GATM: variants seen among roughly 807,000 people sequenced by gnomAD.
The protein encoded by GATM is glycine amidinotransferase, mitochondrial.
A neutral mutation model predicts 54.2 loss-of-function variants in GATM; 23 were observed. That is an observed-to-expected ratio of 0.42 (90% CI 0.31 to 0.60). GATM has a LOEUF of 0.60. Among genes scored for constraint, GATM ranks in the 20% least tolerant of loss-of-function variants. GATM has a pLI of 0.14. For missense variants in GATM, 401 were observed against 544.9 expected, an observed-to-expected ratio of 0.74 and a Z score of 2.63; for synonymous variants, 168 against 183.1, an observed-to-expected ratio of 0.92 and a Z score of 0.67.
At chr15:45,364,745 T>C in intron 7 of GATM, 52 bp downstream of exon 7, 2 of 1,510,420 alleles carry the variant, frequency 1.3e-6, no homozygotes, top group South Asian at 1.1e-5. Context: ...AGAAAGATCC[T>C]TGGTCACTAA....
At position 45,362,125 on chromosome 15, in the gene GATM, T is replaced by C. The variant is rs760259072; in HGVS notation, c.1256A>G (p.Gln419Arg). The change falls in exon 9 of 9, where the codon CAG becomes CGG. Residue 419 changes from glutamine (Q) to arginine (R), a missense_variant. Coordinates refer to ENST00000396659, the MANE Select transcript of GATM (RefSeq NM_001482.3). ...TCDVRRRGTLQSYLD is the reference protein window; with the variant it reads ...TCDVRRRGTLRSYLD ...CAGGCCTGTTCAGTCCAAGTAGGAC[T>C]GTAAGGTGCCTCGGCGCCGGACATC... is the stretch of plus-strand genomic sequence containing the variant. 8.7e-6 allele frequency: 14 copies of C among 1,611,590 alleles called. No homozygotes were observed. Among genetic ancestry groups the C allele is most frequent in the African/African-American group, 2.7e-5 (2 of 74,822 alleles).
chr15:45,378,081 G>C, intron 1 of GATM: 1 of 346,136 alleles, frequency 2.9e-6, no homozygotes, highest in Non-Finnish European at 5.3e-6. Context: ...CCGGTAGAGG[G>C]GGGCGGCGCC....
chr15:45,400,127 CAGG>C (rs757096234), intron 1 of GATM, among the ~76,000 whole-genome samples: 107 of 152,206 alleles, frequency 7.0e-4, no homozygotes, highest in Non-Finnish European at 1.2e-3. Context: ...GAGCCTGAGG[CAGG>C]AGAATTGCTT....
At chr15:45,362,473 C>A (rs947967032) in intron 8 of GATM, among the ~76,000 whole-genome samples, 1 of 152,194 alleles carries the variant, frequency 6.6e-6, no homozygotes, top group African/African-American at 2.4e-5. Flanking sequence ...ATAGACTGAG[C>A]AGATGTACCT....
At chr15:45,387,253 T>C (rs916446538) in intron 3 of GATM, among the ~76,000 whole-genome samples, 5 of 152,246 alleles carry the variant, frequency 3.3e-5, no homozygotes, top group Non-Finnish European at 7.3e-5. Flanking sequence ...CATCTGCAAC[T>C]TGAGATACTT....
chr15:45,371,623 A>G (rs529681154), intron 2 of GATM, among the ~76,000 whole-genome samples: 8 of 152,334 alleles, frequency 5.3e-5, no homozygotes, highest in Non-Finnish European at 1.0e-4. Flanking sequence ...ACATGTAAGG[A>G]AAGAGGCTCT....
chr15:45,393,776 G>A (rs1323692824), intron 3 of GATM, among the ~76,000 whole-genome samples: 1 of 152,136 alleles, frequency 6.6e-6, no homozygotes, highest in Non-Finnish European at 1.5e-5. Context: ...CTGAAATGCT[G>A]TAATGAGCAT....
intron 3 of GATM, among the ~76,000 whole-genome samples, chr15:45,392,323 C>T (rs573487744): frequency 1.2e-4 from 19 of 152,290 alleles, no homozygotes; most frequent in South Asian, 1.0e-3. Flanking sequence ...ATTCTCTCTA[C>T]GTGACTACAA....
At chr15:45,375,293 T>A (rs554036523) in intron 2 of GATM, among the ~76,000 whole-genome samples, 2 of 152,254 alleles carry the variant, frequency 1.3e-5, no homozygotes, top group African/African-American at 4.8e-5. Context: ...ATGGTCTCGA[T>A]CTCCTGACCT....
chr15:45,368,468 C>T lies in GATM; in HGVS notation c.485-208G>A, dbSNP rs972561266. ...ACTAAAAGAATACGAAAACAATTAGCCAGGCATGGTGGCACGTGCCTGTAA... is the reference window on the plus strand; with the variant it reads ...ACTAAAAGAATACGAAAACAATTAGTCAGGCATGGTGGCACGTGCCTGTAA... On this transcript the variant is annotated intron_variant, in intron 3 of 8. Coordinates refer to ENST00000396659, the MANE Select transcript of GATM (RefSeq NM_001482.3). The surrounding 1 kb of genome is among the most constrained non-coding windows in gnomAD (Gnocchi z 5.1). Among the ~76,000 whole-genome samples the T allele has an allele frequency of 6.6e-6, 1 of 151,910 alleles. No homozygotes were observed. Among genetic ancestry groups the T allele is most frequent in the African/African-American group, 2.4e-5 (1 of 41,352 alleles).
chr15:45,364,064 T>A, intron 7 of GATM, 48 bp from the exon 8 acceptor site: 1 of 1,101,994 alleles, frequency 9.1e-7, no homozygotes, highest in Non-Finnish European at 1.4e-6. Context: ...CATTTTTGTT[T>A]AAAGCAAGGA....
chr15:45,364,794 T>C lies in GATM; in HGVS notation c.1042+3A>G, dbSNP rs752016309. 31 of 1,612,122 alleles carry C rather than the reference T, an allele frequency of 1.9e-5. 1 individual carries two copies. In the South Asian group the frequency reaches 3.2e-4, roughly 17 times the overall value. On this transcript the variant is annotated splice_donor_region_variant and intron_variant, in intron 7 of 8. Coordinates refer to ENST00000396659, the MANE Select transcript of GATM (RefSeq NM_001482.3). ...GTCTAACAGTGTATGAAAGTAAACA[T>C]ACCGTCTGGGATGATTGGTGTTGGA... is the stretch of plus-strand genomic sequence containing the variant.
At chr15:45,363,815 T>C (rs1889403660) in intron 8 of GATM, 85 bp downstream of exon 8, 1 of 837,396 alleles carries the variant, frequency 1.2e-6, no homozygotes, top group Non-Finnish European at 2.0e-6. Context: ...AGACAAACCA[T>C]TTATCAAACC....
rs1479786099 is a variant in GATM at position 45,368,006 on chromosome 15, A to G, written c.675+64T>C. Reference sequence around the variant, plus strand: ...ATATACAAGGTATCAGAGAATCTCTATCTTACTCTTTGTGGATCATTTAGA... The same window carrying G: ...ATATACAAGGTATCAGAGAATCTCTGTCTTACTCTTTGTGGATCATTTAGA... On this transcript the variant is annotated intron_variant, in intron 4 of 8. Transcript: ENST00000396659. This position sits in a 1 kb window ranked among gnomAD's most constrained non-coding sequence, Gnocchi z 5.1. 7.1e-7 allele frequency: 1 copy of G among 1,412,880 alleles called. No homozygotes were observed. Among genetic ancestry groups the G allele is most frequent in the Non-Finnish European group, 1.0e-6 (1 of 1,002,396 alleles). 87.5% of individuals were successfully genotyped at this position (1,412,880 alleles called of 1,614,324 possible).
chr15:45,388,692 A>T (rs549512894), intron 3 of GATM, among the ~76,000 whole-genome samples: 8 of 152,352 alleles, frequency 5.3e-5, no homozygotes, highest in Admixed American at 4.6e-4. Context: ...TGGAAAGAAT[A>T]CTACCGAGAT....
At position 45,367,976 on chromosome 15, in the gene GATM, A is replaced by T. The variant is rs937464636; in HGVS notation, c.675+94T>A. On this transcript the variant is annotated intron_variant, in intron 4 of 8. Transcript: ENST00000396659. The stretch of plus-strand genomic sequence containing the variant: ...ATGATGTTTTCGGTTTCTAAAATGC[A>T]TAATATATACAAGGTATCAGAGAAT... 3.4e-5 allele frequency: 36 copies of T among 1,071,098 alleles called. No individual in the cohort carries two copies. The African/African-American group carries it at 5.4e-4, about 16-fold the overall frequency. The allele number at this position is 1,071,098 out of a possible 1,614,324, so 66.3% of individuals were successfully genotyped here.
At chr15:45,389,746 G>A (rs1889847627) in intron 3 of GATM, among the ~76,000 whole-genome samples, 1 of 152,196 alleles carries the variant, frequency 6.6e-6, no homozygotes, top group African/African-American at 2.4e-5. Context: ...GAAGCAATAG[G>A]TATTCTTACA....
intron 1 of GATM, chr15:45,377,300 T>C (rs771228482): frequency 6.7e-6 from 3 of 450,640 alleles, no homozygotes; most frequent in Non-Finnish European, 4.4e-6. Context: ...AAATGAAAAG[T>C]TGGGAACATT....
At chr15:45,372,590 C>T (rs1595484641) in intron 2 of GATM, among the ~76,000 whole-genome samples, 1 of 152,230 alleles carries the variant, frequency 6.6e-6, no homozygotes, top group African/African-American at 2.4e-5. Context: ...ACATCTCCTA[C>T]AATCCACTAG....
Sources: gnomAD v4.1 joint callset for allele counts (sites outside exome capture counted in the v4.1 genomes callset) on GRCh38, gnomAD v4.1.1 for gene constraint, Gnocchi (gnomAD v3.1) non-coding constraint, MANE v1.5 for transcripts, NCBI Gene and HGNC (gene_info 2026-07-23, HGNC 2026-07-21) for gene names.